The following COL5A1 variants were observed in gnomAD, a reference collection of about 807,000 sequenced individuals.
COL5A1 encodes collagen alpha-1(V) chain.
A neutral mutation model predicts 263.7 loss-of-function variants in COL5A1; 16 were observed. The observed-to-expected ratio is 0.06, with a 90% CI of 0.04 to 0.09. The LOEUF (loss-of-function observed/expected upper bound fraction) is 0.09, where lower values mean the gene tolerates loss of function less well. Among genes scored for constraint, COL5A1 ranks in the 10% least tolerant of loss-of-function variants. The pLI, the probability that COL5A1 is intolerant of heterozygous loss-of-function variation, is 1.00. For synonymous variants in COL5A1, 1,012 were observed against 1,004.5 expected (o/e 1.01, Z -0.14); for missense variants, 2,036 against 2,540.5 (o/e 0.80, Z 4.27).
chr9:134,806,250 C>T lies in COL5A1; in HGVS notation c.3320C>T (p.Pro1107Leu). 1 of 1,550,244 alleles carries T rather than the reference C, an allele frequency of 6.5e-7. No individual in the cohort carries two copies. Among genetic ancestry groups the T allele is most frequent in the African/African-American group, 1.4e-5 (1 of 73,108 alleles). The change falls in exon 42 of 66, where the codon CCT becomes CTT. Residue 1107 changes from proline (P) to leucine (L), a missense_variant. Coordinates refer to ENST00000371817, the MANE Select transcript of COL5A1 (RefSeq NM_000093.5). ...AAGPIGIPGR[P>L]GPQGPPGPAG... ...GGGCCCATCGGAATTCCAGGGAGACCTGGGCCCCAGGGACCCCCAGGGCCG... is the reference window on the plus strand; with the variant it reads ...GGGCCCATCGGAATTCCAGGGAGACTTGGGCCCCAGGGACCCCCAGGGCCG...
At chr9:134,829,909 T>G (rs556836197) in intron 63 of COL5A1, 67 bp from the exon 64 acceptor site, 1 of 1,536,742 alleles carries the variant, frequency 6.5e-7, no homozygotes, top group South Asian at 1.2e-5. Context: ...GGCCTTGCTC[T>G]GGAGGCCGGA....
Position 134,784,950 on chromosome 9 carries a change from G to GT in COL5A1, c.2485-39_2485-38insT, listed in dbSNP as rs779225921. On this transcript the variant is annotated intron_variant, in intron 29 of 65. Coordinates refer to ENST00000371817, the MANE Select transcript of COL5A1 (RefSeq NM_000093.5). ...TGGTGGTGGAGAATAGTGTGTGTGC[G>GT]GGGGGTGGTCTTCTCACCTCCTCTT... The GT allele has an allele frequency of 0.05, 73,479 of 1,469,268 alleles. 2,199 individuals are homozygous for GT. Among genetic ancestry groups the GT allele is most frequent in the African/African-American group, 0.1 (7,444 of 71,764 alleles). The allele number at this position is 1,469,268 out of a possible 1,614,324, so 91.0% of individuals were successfully genotyped here.
chr9:134,712,019 C>T (rs907521936), intron 4 of COL5A1, among the ~76,000 whole-genome samples: 28 of 79,676 alleles, frequency 3.5e-4, no homozygotes, highest in Admixed American at 1.0e-3. Flanking sequence ...CTGTCCCCCT[C>T]CTTCCTTCCC....
chr9:134,820,334 G>A (rs551729841), intron 58 of COL5A1, 111 bp downstream of exon 58: 77 of 816,584 alleles, frequency 9.4e-5, no homozygotes, highest in African/African-American at 1.2e-4. Flanking sequence ...ACGTCCACAC[G>A]TCGGTTGAGT....
In COL5A1 at chr9:134,690,993, C is replaced by G. The variant is rs777376620; in HGVS notation, c.191C>G (p.Thr64Arg). Residue 64 changes from threonine to arginine, a missense_variant, in exon 2 of 66, where the codon ACG (threonine) becomes AGG (arginine). Coordinates refer to ENST00000371817, the MANE Select transcript of COL5A1 (RefSeq NM_000093.5). ...GITKTTGFCATRRSSKGPDVA... is the reference protein window; with the variant it reads ...GITKTTGFCARRRSSKGPDVA... The stretch of plus-strand genomic sequence containing the variant: ...ACAAAGACAACAGGCTTTTGCGCCA[C>G]GCGGCGATCTTCCAAAGGCCCGGAT... 2 of 1,613,868 alleles carry G rather than the reference C, an allele frequency of 1.2e-6. No homozygotes were observed.
At chr9:134,646,737 G>A (rs117385824) in intron 1 of COL5A1, among the ~76,000 whole-genome samples, 2 of 152,272 alleles carry the variant, frequency 1.3e-5, no homozygotes, top group African/African-American at 4.8e-5. Context: ...GGATGTGGGG[G>A]CCTCTGGGGG....
At chr9:134,724,601 C>T (rs1010647498) in intron 4 of COL5A1, among the ~76,000 whole-genome samples, 8 of 152,214 alleles carry the variant, frequency 5.3e-5, no homozygotes, top group Non-Finnish European at 1.2e-4. Flanking sequence ...GAGCAGCCCT[C>T]GGAACAATGA....
intron 62 of COL5A1, among the ~76,000 whole-genome samples, chr9:134,825,396 T>C (rs1017157441): frequency 3.9e-5 from 6 of 152,192 alleles, no homozygotes; most frequent in Non-Finnish European, 8.8e-5. Context: ...CCTGGGAAGT[T>C]TGAATGTTCC....
intron 28 of COL5A1, among the ~76,000 whole-genome samples, chr9:134,781,828 T>A (rs375359330): frequency 1.6e-4 from 25 of 152,334 alleles, no homozygotes; most frequent in African/African-American, 5.8e-4. Flanking sequence ...TGGAAAGGGC[T>A]GGATTCTCAC....
chr9:134,711,738 GGCTTCT>G (rs1207586127), intron 4 of COL5A1, among the ~76,000 whole-genome samples: 3 of 152,010 alleles, frequency 2.0e-5, no homozygotes, highest in African/African-American at 4.8e-5. Flanking sequence ...CCGGATAGGA[GGCTTCT>G]GCCTGGGTCC....
intron 2 of COL5A1, among the ~76,000 whole-genome samples, chr9:134,692,334 C>A (rs979419424): frequency 2.6e-5 from 4 of 152,180 alleles, no homozygotes; most frequent in African/African-American, 4.8e-5. Flanking sequence ...GACAGCCTGT[C>A]CCCGCAAAGG....
intron 18 of COL5A1, among the ~76,000 whole-genome samples, chr9:134,761,050 C>T (rs1026622981): frequency 6.7e-6 from 1 of 150,374 alleles, no homozygotes; most frequent in Non-Finnish European, 1.5e-5. Context: ...CACACATGCC[C>T]ACACTCACAC....
chr9:134,652,861 C>A lies in COL5A1; in HGVS notation c.109+10565C>A, dbSNP rs947558215. On this transcript the variant is annotated intron_variant, in intron 1 of 65. Transcript: ENST00000371817. The surrounding 1 kb of genome is among the most constrained non-coding windows in gnomAD (Gnocchi z 4.4). ...GCCTCTCTTAAGGCACAGATTGTTT[C>A]TGACTCAGGAGGCCTTGGGTGGGCC... 5.3e-6 allele frequency: 2 copies of A among 377,716 alleles called. No homozygotes were observed. Among genetic ancestry groups the A allele is most frequent in the African/African-American group, 4.3e-5 (2 of 47,040 alleles). The allele number at this position is 377,716 out of a possible 1,614,324, so 23.4% of individuals were successfully genotyped here. A position where few individuals can be genotyped will look rare whatever the true frequency, so the allele number is the denominator to read the frequency against.
Position 134,818,167 on chromosome 9 carries a change from G to A in COL5A1, c.4230+336G>A, listed in dbSNP as rs962459332. Among the ~76,000 whole-genome samples the A allele has an allele frequency of 4.6e-5, 7 of 152,340 alleles. No homozygotes were observed. Among genetic ancestry groups the A allele is most frequent in the Middle Eastern group, 6.8e-3 (2 of 294 alleles). On this transcript the variant is annotated intron_variant, in intron 54 of 65. Transcript: ENST00000371817. The surrounding 1 kb of genome is among the most constrained non-coding windows in gnomAD (Gnocchi z 6.0). ...TCTTTGAGTCGGCCAGACCTGAGCCGCCTACCTCTGAAGTGGACCGTGTCC... is the reference window on the plus strand; with the variant it reads ...TCTTTGAGTCGGCCAGACCTGAGCCACCTACCTCTGAAGTGGACCGTGTCC...
At chr9:134,659,383 T>C (rs1266659416) in intron 1 of COL5A1, among the ~76,000 whole-genome samples, 2 of 152,142 alleles carry the variant, frequency 1.3e-5, no homozygotes, top group Non-Finnish European at 2.9e-5. Context: ...AGACTCCATC[T>C]CAAAACAATA....
intron 18 of COL5A1, among the ~76,000 whole-genome samples, chr9:134,761,360 C>A (rs2132716628): frequency 6.6e-6 from 1 of 152,320 alleles, no homozygotes; most frequent in East Asian, 1.9e-4. Context: ...TAAGCATGCC[C>A]TGCAGCCCTC....
chr9:134,835,377 C>A, intron 65 of COL5A1, among the ~76,000 whole-genome samples, 173 bp downstream of exon 65: 1 of 152,234 alleles, frequency 6.6e-6, no homozygotes, highest in East Asian at 1.9e-4. Context: ...GAATCCCAGG[C>A]CTATGCAGCT....
At chr9:134,735,536 G>T (rs1835068070) in intron 9 of COL5A1, among the ~76,000 whole-genome samples, 1 of 152,196 alleles carries the variant, frequency 6.6e-6, no homozygotes, top group Non-Finnish European at 1.5e-5. Flanking sequence ...CCACCCTCAG[G>T]CGCATTCATC....
chr9:134,694,349 C>T (rs1425576512), intron 2 of COL5A1, among the ~76,000 whole-genome samples: 2 of 152,244 alleles, frequency 1.3e-5, no homozygotes, highest in East Asian at 1.9e-4. Flanking sequence ...CCCACACTGG[C>T]ACCACCTGGT....
Sources: allele counts gnomAD v4.1 joint callset (sites outside exome capture counted in the v4.1 genomes callset), GRCh38; gene constraint gnomAD v4.1.1; non-coding constraint Gnocchi (gnomAD v3.1); transcripts MANE v1.5; gene names NCBI Gene and HGNC (gene_info 2026-07-23, HGNC 2026-07-21).